RIPK1: variants seen among roughly 807,000 people sequenced by gnomAD.
The protein encoded by RIPK1 is receptor-interacting serine/threonine-protein kinase 1.
A neutral mutation model predicts 62.4 loss-of-function variants in RIPK1; 27 were observed. That is an observed-to-expected ratio of 0.43 (90% CI 0.32 to 0.60). The LOEUF (loss-of-function observed/expected upper bound fraction) is 0.60, where lower values mean the gene tolerates loss of function less well. Among genes scored for constraint, RIPK1 ranks in the 20% least tolerant of loss-of-function variants. RIPK1 has a pLI of 0.07. For missense variants in RIPK1, 735 were observed against 831.0 expected (o/e 0.88, Z 1.42); for synonymous variants, 287 against 303.2 (o/e 0.95, Z 0.55).
At chr6:3,067,465 TA>T, upstream of RIPK1, among the ~76,000 whole-genome samples, 1 of 152,364 alleles carries the variant, frequency 6.6e-6, no homozygotes, top group South Asian at 2.1e-4. Context: ...TTTGTTTTTT[TA>T]AATTGCAATT....
intron 1 of RIPK1, among the ~76,000 whole-genome samples, chr6:3,069,311 C>T (rs1308957728): frequency 1.3e-5 from 2 of 152,220 alleles, no homozygotes; most frequent in Non-Finnish European, 2.9e-5. Context: ...TGATCTTAGA[C>T]GACTGAGGGG....
At chr6:3,085,719 C>T (rs1759651859) in intron 6 of RIPK1, among the ~76,000 whole-genome samples, 2 of 152,198 alleles carry the variant, frequency 1.3e-5, no homozygotes. Context: ...GCAGTAAGTA[C>T]AGTCCCATAG....
At chr6:3,084,834 C>T (rs1029436199) in intron 5 of RIPK1, among the ~76,000 whole-genome samples, 7 of 152,060 alleles carry the variant, frequency 4.6e-5, no homozygotes, top group African/African-American at 1.4e-4. Flanking sequence ...CGTCATGATC[C>T]GCCTGTCTCA....
intron 3 of RIPK1, among the ~76,000 whole-genome samples, chr6:3,080,294 A>G (rs1340456214): frequency 6.6e-6 from 1 of 152,238 alleles, no homozygotes. Context: ...TTTAACCACT[A>G]TAATAGAAAC....
At chr6:3,111,076 T>C (rs1761133350) in intron 10 of RIPK1, 121 bp downstream of exon 10, 4 of 587,580 alleles carry the variant, frequency 6.8e-6, no homozygotes, top group Non-Finnish European at 1.1e-5. Context: ...TTATGTTACT[T>C]CTGCAAAATA....
chr6:3,102,834 A>G (rs1760654726), intron 7 of RIPK1, among the ~76,000 whole-genome samples: 1 of 151,968 alleles, frequency 6.6e-6, no homozygotes, highest in African/African-American at 2.4e-5. Context: ...CAAACTCCTA[A>G]CCTCAGGTGA....
Position 3,115,162 on chromosome 6 carries a change from T to A in RIPK1, c.*1823T>A, listed in dbSNP as rs970059631. 6.6e-6 allele frequency: 1 copy of A among 152,162 alleles called. No individual in the cohort carries two copies. Among genetic ancestry groups the A allele is most frequent in the African/African-American group, 2.4e-5 (1 of 41,430 alleles). 9.4% of individuals were successfully genotyped at this position (152,162 alleles called of 1,614,324 possible). ...AGAGGGCAAGGCATTTTTTAACACT[T>A]TTTAAAATAAAAATTTATACCACAA... On this transcript the variant is annotated 3_prime_UTR_variant, in exon 11 of 11. Transcript: ENST00000259808.
chr6:3,110,607 CTT>C (rs34063767), intron 9 of RIPK1, among the ~76,000 whole-genome samples, 194 bp from the exon 10 acceptor site: 14 of 143,228 alleles, frequency 9.8e-5, no homozygotes, highest in Non-Finnish European at 1.1e-4. Flanking sequence ...TGTGTTATTT[CTT>C]TTTTTTTTTT....
intron 4 of RIPK1, among the ~76,000 whole-genome samples, chr6:3,081,575 C>G (rs938457586): frequency 1.3e-5 from 2 of 152,102 alleles, no homozygotes; most frequent in Non-Finnish European, 2.9e-5. Flanking sequence ...AGAGTGAGAT[C>G]AGCGGCCGGG....
At position 3,081,043 on chromosome 6, in the gene RIPK1, T is replaced by C. The variant is rs1375077428; in HGVS notation, c.386T>C (p.Leu129Ser). The C allele has an allele frequency of 7.4e-6, 12 of 1,614,030 alleles. No homozygotes were observed. Among genetic ancestry groups the C allele is most frequent in the Non-Finnish European group, 1.0e-5 (12 of 1,179,982 alleles). Residue 129 changes from leucine (L) to serine (S), a missense_variant, in exon 4 of 11, where the codon TTA becomes TCA. This residue lies in a region of RIPK1 where 671 missense variants were observed against 726.2 expected (regional missense o/e 0.92). Coordinates refer to ENST00000259808, the MANE Select transcript of RIPK1 (RefSeq NM_001354930.2). ...ILEIIEGMCY[L>S]HGKGVIHKDL... ...GAAATCATTGAAGGAATGTGCTACT[T>C]ACATGGAAAAGGCGTGATACACAAG...
rs868479137 is a variant in RIPK1 at position 3,076,699 on chromosome 6, C to T, written c.-60-65C>T. The T allele has an allele frequency of 7.9e-4, 173 of 217,758 alleles. 1 individual carries two copies. The highest frequency in any genetic ancestry group is 4.2e-3 in the Middle Eastern group (2 of 478). The allele number at this position is 217,758 out of a possible 1,614,324, so 13.5% of individuals were successfully genotyped here. A position where few individuals can be genotyped will look rare whatever the true frequency, so the allele number is the denominator to read the frequency against. ...TGTCTCCAAAGGAGAAAAAAAAAAA[C>T]ATATATATATATATATATATATATA... On this transcript the variant is annotated intron_variant, in intron 1 of 10. Transcript: ENST00000259808.
Position 3,105,385 on chromosome 6 carries a change from T to C in RIPK1, c.1007-97T>C. 2 of 936,422 alleles carry C rather than the reference T, an allele frequency of 2.1e-6. No homozygotes were observed. The highest frequency in any genetic ancestry group is 3.3e-6 in the Non-Finnish European group (2 of 611,286). 58.0% of individuals were successfully genotyped at this position (936,422 alleles called of 1,614,324 possible). On this transcript the variant is annotated intron_variant, in intron 8 of 10. Transcript: ENST00000259808. This position sits in a 1 kb window ranked among gnomAD's most constrained non-coding sequence, Gnocchi z 4.5. ...ACTGGTCTCGTACTTGTTTTCTGTG[T>C]GTTACTTTGAGATACAGATTCATGA...
chr6:3,083,151 C>T lies in RIPK1; in HGVS notation c.526C>T (p.Leu176=), dbSNP rs778220116. Residue 176 remains leucine (L), a synonymous_variant, in exon 5 of 11, where the codon CTG becomes TTG. Coordinates refer to ENST00000259808, the MANE Select transcript of RIPK1 (RefSeq NM_001354930.2). The part of the protein sequence containing the change: ...SKLNNEEHNE[L]REVDGTAKKN... ...ACTGAATAATGAAGAGCACAATGAG[C>T]TGAGGGAAGTGGACGGCACCGCTAA... 3.7e-6 allele frequency: 6 copies of T among 1,614,052 alleles called. No homozygotes were observed. The highest frequency in any genetic ancestry group is 2.2e-5 in the South Asian group (2 of 91,076).
At chr6:3,098,883 T>C (rs1307315059) in intron 7 of RIPK1, among the ~76,000 whole-genome samples, 2 of 152,208 alleles carry the variant, frequency 1.3e-5, no homozygotes, top group African/African-American at 4.8e-5. Context: ...CAAATGCCCC[T>C]CAGGCTTGTC....
chr6:3,090,907 T>G (rs1216918891), intron 7 of RIPK1, among the ~76,000 whole-genome samples: 1 of 35,644 alleles, frequency 2.8e-5, no homozygotes, highest in Non-Finnish European at 4.2e-5. Flanking sequence ...CCGCACCTAG[T>G]AACCGCAGCG....
chr6:3,083,354 C>T, intron 5 of RIPK1, 41 bp downstream of exon 5: 1 of 1,520,154 alleles, frequency 6.6e-7, no homozygotes, highest in Non-Finnish European at 8.9e-7. Context: ...CCCTCAGCAT[C>T]TACACGCACT....
intron 7 of RIPK1, among the ~76,000 whole-genome samples, chr6:3,096,605 G>T (rs925419896): frequency 3.6e-5 from 5 of 139,030 alleles, no homozygotes; most frequent in African/African-American, 2.7e-5. Context: ...TGTCTCCCAG[G>T]CTGGAGTGCA....
intron 9 of RIPK1, among the ~76,000 whole-genome samples, chr6:3,107,560 C>T (rs1239829343): frequency 1.9e-5 from 2 of 106,592 alleles, no homozygotes; most frequent in African/African-American, 1.1e-4. Flanking sequence ...GCGAGACTGT[C>T]GCAAAAAAAA....
At chr6:3,081,635 C>T (rs1030601652) in intron 4 of RIPK1, among the ~76,000 whole-genome samples, 11 of 151,898 alleles carry the variant, frequency 7.2e-5, no homozygotes, top group South Asian at 2.1e-4. Flanking sequence ...CTGAGGTGGG[C>T]GGATCACCTG....
Sources: allele counts gnomAD v4.1 joint callset (sites outside exome capture counted in the v4.1 genomes callset), GRCh38; gene constraint gnomAD v4.1.1; regional missense constraint gnomAD v4.1.1; non-coding constraint Gnocchi (gnomAD v3.1); transcripts MANE v1.5; gene names NCBI Gene and HGNC (gene_info 2026-07-23, HGNC 2026-07-21).